Variants in TMCO5A observed in about 807,000 individuals in gnomAD.
TMCO5A encodes the protein transmembrane and coiled-coil domains 5A.
Under a neutral mutation model 42.3 loss-of-function variants are expected in TMCO5A, and 34 were observed. That is an observed-to-expected ratio of 0.80 (90% CI 0.61 to 1.07). The LOEUF is 1.07. TMCO5A is among the 50% of genes least tolerant of loss of function. The probability of loss-of-function intolerance (pLI) is 0.00; values close to 1 mark genes in which losing one functional copy is unlikely to be tolerated. For synonymous variants in TMCO5A, 131 were observed against 115.6 expected, an observed-to-expected ratio of 1.13 and a Z score of -0.86; for missense variants, 357 against 327.9, an observed-to-expected ratio of 1.09 and a Z score of -0.69.
At chr15:37,980,710 T>G in the TMCO5A span, among the ~76,000 whole-genome samples, 58 of 150,748 alleles carry the variant, frequency 3.8e-4, no homozygotes, top group Middle Eastern at 6.9e-3. Flanking sequence ...ACTCTGAGAT[T>G]CAGTGGAACC....
intron 11 of TMCO5A, among the ~76,000 whole-genome samples, chr15:37,948,276 C>A (rs1310455520): frequency 1.3e-5 from 2 of 152,040 alleles, no homozygotes; most frequent in Non-Finnish European, 2.9e-5. Context: ...ATTCACGAAG[C>A]TCCTACATTT....
At chr15:37,962,704 A>G (rs1890459803) in intron 11 of TMCO5A, among the ~76,000 whole-genome samples, 1 of 152,020 alleles carries the variant, frequency 6.6e-6, no homozygotes, top group Admixed American at 6.6e-5. Flanking sequence ...TCAAATTGCC[A>G]TTTCTATCTC....
At chr15:38,034,849 T>C in the TMCO5A span, among the ~76,000 whole-genome samples, 1 of 152,076 alleles carries the variant, frequency 6.6e-6, no homozygotes, top group East Asian at 1.9e-4. Flanking sequence ...CTCCTCTGGG[T>C]GTGACCCTCC....
chr15:37,949,484 T>A (rs968650749), intron 11 of TMCO5A, among the ~76,000 whole-genome samples: 2 of 152,074 alleles, frequency 1.3e-5, no homozygotes, highest in African/African-American at 4.8e-5. Context: ...TAGTGTGGTA[T>A]TGGGACTGGA....
intron 11 of TMCO5A, among the ~76,000 whole-genome samples, chr15:37,964,098 G>C (rs1013576314): frequency 6.6e-6 from 1 of 152,112 alleles, no homozygotes; most frequent in African/African-American, 2.4e-5. Context: ...TACCAGAGTT[G>C]GTTTTCTGGT....
the TMCO5A span, among the ~76,000 whole-genome samples, chr15:38,011,844 G>C: frequency 6.6e-6 from 1 of 152,012 alleles, no homozygotes; most frequent in Non-Finnish European, 1.5e-5. Context: ...GCTTCTTCTG[G>C]CCAGGCATGG....
downstream of TMCO5A, among the ~76,000 whole-genome samples, chr15:37,953,721 G>C (rs1211510550): frequency 6.6e-6 from 1 of 151,896 alleles, no homozygotes; most frequent in Non-Finnish European, 1.5e-5. Flanking sequence ...CTAAAGTAAG[G>C]CACCAGGGAC....
Position 37,948,796 on chromosome 15 carries a change from CCTAGGA to C in TMCO5A, c.668+1101_668+1106del, listed in dbSNP as rs1373428906. On this transcript the variant is annotated intron_variant, in intron 11 of 11. Coordinates refer to ENST00000319669, the MANE Select transcript of TMCO5A (RefSeq NM_152453.4). ...CAAGAGACAAGAAAGCTAGGCTACT[CCTAGGA>C]TTTTCCCTGGGAATGCAATCCCAGA... Among the ~76,000 whole-genome samples the C allele has an allele frequency of 8.5e-5, 13 of 152,168 alleles. No homozygotes were observed. The South Asian group carries it at 2.7e-3, about 32-fold the overall frequency.
At chr15:38,036,843 T>C in the TMCO5A span, among the ~76,000 whole-genome samples, 1 of 152,172 alleles carries the variant, frequency 6.6e-6, no homozygotes, top group African/African-American at 2.4e-5. Flanking sequence ...CAGGGACTAG[T>C]GTTTTATTCA....
chr15:37,971,776 A>G (rs1890678122), downstream of TMCO5A, among the ~76,000 whole-genome samples: 2 of 152,174 alleles, frequency 1.3e-5, no homozygotes, highest in Non-Finnish European at 2.9e-5. Context: ...CTTTGCTAAA[A>G]CATAACAAGA....
At chr15:37,970,238 G>C (rs1347656239), downstream of TMCO5A, among the ~76,000 whole-genome samples, 1 of 152,198 alleles carries the variant, frequency 6.6e-6, no homozygotes, top group Non-Finnish European at 1.5e-5. Flanking sequence ...GGCTAGGGAG[G>C]CCTCACAATC....
In TMCO5A at chr15:37,936,228, G is replaced by C. The variant is rs1041442819; in HGVS notation, c.-10-86G>C. On this transcript the variant is annotated intron_variant, in intron 2 of 11. Transcript: ENST00000319669. ...CAGAGAGAGTAAGGTTAATAAACTA[G>C]ATGTGTTCTAAATACCCTTTTTGGC... 6.9e-6 allele frequency: 10 copies of C among 1,452,702 alleles called. No individual in the cohort carries two copies. In the African/African-American group the frequency reaches 1.3e-4, roughly 19 times the overall value. The allele number at this position is 1,452,702 out of a possible 1,614,324, so 90.0% of individuals were successfully genotyped here. A position where few individuals can be genotyped will look rare whatever the true frequency, so the allele number is the denominator to read the frequency against.
At chr15:38,016,110 A>G in the TMCO5A span, among the ~76,000 whole-genome samples, 10 of 151,992 alleles carry the variant, frequency 6.6e-5, no homozygotes, top group Non-Finnish European at 1.2e-4. Context: ...TAACAAATGC[A>G]CCCCTATGGT....
chr15:37,984,013 T>C, the TMCO5A span, among the ~76,000 whole-genome samples: 5 of 152,276 alleles, frequency 3.3e-5, no homozygotes, highest in African/African-American at 1.2e-4. Flanking sequence ...GATTGTCAAC[T>C]ACACTTATGT....
At chr15:37,968,686 T>G (rs1890614777), downstream of TMCO5A, among the ~76,000 whole-genome samples, 1 of 151,430 alleles carries the variant, frequency 6.6e-6, no homozygotes, top group South Asian at 2.1e-4. Flanking sequence ...AGGTTCAAAT[T>G]ATTCTCCTGC....
chr15:38,008,592 A>G, the TMCO5A span, among the ~76,000 whole-genome samples: 2 of 152,214 alleles, frequency 1.3e-5, no homozygotes, highest in South Asian at 2.1e-4. Context: ...GATCAAAATG[A>G]CAAAGCATTC....
chr15:37,950,408 T>C (rs1890117905), intron 11 of TMCO5A, among the ~76,000 whole-genome samples: 1 of 152,096 alleles, frequency 6.6e-6, no homozygotes, highest in South Asian at 2.1e-4. Flanking sequence ...TTAGAGCAAG[T>C]GAAAGTTATG....
the TMCO5A span, among the ~76,000 whole-genome samples, chr15:37,981,385 A>C: frequency 6.6e-6 from 1 of 152,206 alleles, no homozygotes; most frequent in Non-Finnish European, 1.5e-5. Context: ...GACAATGAAC[A>C]GCTGCCACTT....
chr15:37,947,326 G>A (rs1247389561), intron 10 of TMCO5A, among the ~76,000 whole-genome samples: 1 of 151,990 alleles, frequency 6.6e-6, no homozygotes, highest in Non-Finnish European at 1.5e-5. Flanking sequence ...AAGATAGAAT[G>A]GTATAGTTGA....
Sources: gnomAD v4.1 joint callset for allele counts (sites outside exome capture counted in the v4.1 genomes callset) on GRCh38, gnomAD v4.1.1 for gene constraint, MANE v1.5 for transcripts, NCBI Gene and HGNC (gene_info 2026-07-23, HGNC 2026-07-21) for gene names.